The following CEP83 variants were observed in gnomAD, a reference collection of about 807,000 sequenced individuals.
CEP83 encodes centrosomal protein 83.
CEP83 carries 70 observed loss-of-function variants against 101.9 expected under a neutral mutation model. That is an observed-to-expected ratio of 0.69 (90% CI 0.57 to 0.84). The LOEUF is 0.84. Ranked by LOEUF, CEP83 falls within the 40% of genes least tolerant of loss-of-function variation. CEP83 has a pLI of 0.00. For synonymous variants in CEP83, 264 were observed against 267.9 expected (o/e 0.99, Z 0.14); for missense variants, 715 against 787.2 (o/e 0.91, Z 1.10).
chr12:94,379,052 A>G lies in CEP83; in HGVS notation c.550-10T>C, dbSNP rs1403275974. 6.3e-7 allele frequency: 1 copy of G among 1,580,384 alleles called. No individual in the cohort carries two copies. The highest frequency in any genetic ancestry group is 8.6e-7 in the Non-Finnish European group (1 of 1,158,082). On this transcript the variant is annotated splice_polypyrimidine_tract_variant and intron_variant, in intron 6 of 16. Coordinates refer to ENST00000397809, the MANE Select transcript of CEP83 (RefSeq NM_016122.3). ...CCTCCAGTCTTGCAATCTAATAATA[A>G]TTTTAAAGAAAGCATACAAGGTTAA...
intron 1 of CEP83, among the ~76,000 whole-genome samples, chr12:94,435,542 C>T (rs181642045): frequency 6.8e-4 from 103 of 152,320 alleles, no homozygotes; most frequent in African/African-American, 2.3e-3. Flanking sequence ...AAGACATGAA[C>T]TCTCGGGAGC....
intron 5 of CEP83, chr12:94,402,680 A>T: frequency 1.3e-5 from 2 of 152,604 alleles, no homozygotes; most frequent in Non-Finnish European, 2.9e-5. Flanking sequence ...CGGGCAGATC[A>T]CTTGAGATCA....
intron 6 of CEP83, among the ~76,000 whole-genome samples, chr12:94,398,407 T>C (rs1253896027): frequency 6.6e-6 from 1 of 152,146 alleles, no homozygotes; most frequent in Admixed American, 6.5e-5. Flanking sequence ...CAGAGGAACA[T>C]AAATTATGAA....
intron 6 of CEP83, among the ~76,000 whole-genome samples, chr12:94,388,743 A>G (rs2062322606): frequency 6.6e-6 from 1 of 152,266 alleles, no homozygotes; most frequent in African/African-American, 2.4e-5. Flanking sequence ...CATTTTGAAT[A>G]CAATTGCATT....
intron 7 of CEP83, among the ~76,000 whole-genome samples, chr12:94,376,747 A>ATATATT (rs1449239728): frequency 8.3e-6 from 1 of 120,170 alleles, no homozygotes; most frequent in African/African-American, 3.0e-5. Flanking sequence ...ATATATATAT[A>ATATATT]TTTTTTTTTT....
intron 14 of CEP83, among the ~76,000 whole-genome samples, chr12:94,320,522 C>A (rs1171337850): frequency 6.6e-6 from 1 of 151,798 alleles, no homozygotes; most frequent in African/African-American, 2.4e-5. Context: ...TCATGGTAAC[C>A]ATCTTTCTAT....
downstream of CEP83, chr12:94,304,175 T>G (rs1385179280): frequency 1.9e-5 from 12 of 641,834 alleles, no homozygotes; most frequent in African/African-American, 3.7e-5. Flanking sequence ...CCAGGAAGCC[T>G]GTCTGAGATG....
At chr12:94,352,896 A>G (rs1430406651) in intron 11 of CEP83, among the ~76,000 whole-genome samples, 1 of 152,192 alleles carries the variant, frequency 6.6e-6, no homozygotes. Context: ...TTCCAGAAGA[A>G]TAAGAGATGG....
At chr12:94,399,100 G>A (rs1340573581) in intron 6 of CEP83, among the ~76,000 whole-genome samples, 1 of 152,144 alleles carries the variant, frequency 6.6e-6, no homozygotes, top group Admixed American at 6.5e-5. Context: ...TCTGCCCTTT[G>A]CCTTTTGATC....
chr12:94,452,610 T>A (rs1010409192), intron 1 of CEP83, among the ~76,000 whole-genome samples: 2 of 152,162 alleles, frequency 1.3e-5, no homozygotes, highest in African/African-American at 4.8e-5. Context: ...ACGTTGCTAA[T>A]TCTAAGGGAC....
intron 1 of CEP83, among the ~76,000 whole-genome samples, chr12:94,447,382 G>A (rs2066890075): frequency 6.6e-6 from 1 of 152,192 alleles, no homozygotes; most frequent in East Asian, 1.9e-4. Flanking sequence ...GCACGTGCCT[G>A]TAGTTCCAGC....
At chr12:94,301,085 A>G in the CEP83 span, 7 of 1,606,456 alleles carry the variant, frequency 4.4e-6, no homozygotes, top group South Asian at 6.6e-5. Context: ...TATTTCTTGT[A>G]TGCAGTCTTA....
intron 2 of CEP83, among the ~76,000 whole-genome samples, chr12:94,414,992 G>GA (rs1009280351): frequency 6.6e-6 from 1 of 151,776 alleles, no homozygotes; most frequent in Non-Finnish European, 1.5e-5. Context: ...AAGGGTACAA[G>GA]AAAAAAACAA....
rs76988596 is a variant in CEP83, at chr12:94,405,100, T to C, written c.325-1838A>G. ...TCATAATCTGGTTTACGGTATCAAGTATCAAGTCTGGGTGACAACATCAAG... is the reference window on the plus strand; with the variant it reads ...TCATAATCTGGTTTACGGTATCAAGCATCAAGTCTGGGTGACAACATCAAG... On this transcript the variant is annotated intron_variant, in intron 4 of 16. Transcript: ENST00000397809. Among the ~76,000 whole-genome samples, 995 of 152,312 alleles carry C rather than the reference T, an allele frequency of 6.5e-3. 16 individuals carry two copies. The highest frequency in any genetic ancestry group is 0.023 in the African/African-American group (947 of 41,554).
At chr12:94,281,243 T>C in the CEP83 span, among the ~76,000 whole-genome samples, 1 of 152,040 alleles carries the variant, frequency 6.6e-6, no homozygotes, top group African/African-American at 2.4e-5. Context: ...TGCGCCACTG[T>C]ACTCCAGCCT....
chr12:94,305,431 G>T, downstream of CEP83: 2 of 596,984 alleles, frequency 3.4e-6, no homozygotes, highest in Non-Finnish European at 6.0e-6. Flanking sequence ...CAAGGCACAT[G>T]CACAGCTTTT....
chr12:94,456,117 G>A (rs1413523241), intron 1 of CEP83, among the ~76,000 whole-genome samples: 1 of 151,712 alleles, frequency 6.6e-6, no homozygotes, highest in African/African-American at 2.4e-5. Flanking sequence ...GACCTAGAGA[G>A]GGCAGTCCTG....
At chr12:94,304,694 G>A (rs1968818015), downstream of CEP83, among the ~76,000 whole-genome samples, 1 of 152,148 alleles carries the variant, frequency 6.6e-6, no homozygotes, top group Admixed American at 6.5e-5. Flanking sequence ...CTAAGGTAGG[G>A]TAGAGGCAAT....
chr12:94,318,507 A>T (rs982797776), intron 14 of CEP83, among the ~76,000 whole-genome samples: 1 of 152,150 alleles, frequency 6.6e-6, no homozygotes, highest in African/African-American at 2.4e-5. Flanking sequence ...TTCAAAGAGA[A>T]TGCTTCCATA....
Sources: allele counts gnomAD v4.1 joint callset (sites outside exome capture counted in the v4.1 genomes callset), GRCh38; gene constraint gnomAD v4.1.1; transcripts MANE v1.5; gene names NCBI Gene and HGNC (gene_info 2026-07-23, HGNC 2026-07-21).